ADAM17: variants seen among roughly 807,000 people sequenced by gnomAD.
ADAM17 encodes disintegrin and metalloproteinase domain-containing protein 17.
In ADAM17, 39 loss-of-function variants were observed where a neutral mutation model predicts 96.7. The observed-to-expected ratio is 0.40, with a 90% CI of 0.31 to 0.53. ADAM17 has a LOEUF of 0.53. Among genes scored for constraint, ADAM17 ranks in the 20% least tolerant of loss-of-function variants. ADAM17 has a pLI of 0.44. For synonymous variants in ADAM17, 344 were observed against 359.2 expected (o/e 0.96, Z 0.48); for missense variants, 777 against 1,013.2 (o/e 0.77, Z 3.17).
rs1572905225 is a variant in ADAM17, at chr2:9,505,342, T to C, written c.1368A>G (p.Gln456=). The C allele has an allele frequency of 1.2e-6, 2 of 1,614,162 alleles. No individual in the cohort carries two copies. The highest frequency in any genetic ancestry group is 4.5e-5 in the East Asian group (2 of 44,874). Residue 456 remains glutamine (Q), a synonymous_variant, in exon 12 of 19, where the codon CAA becomes CAG. Coordinates refer to ENST00000310823, the MANE Select transcript of ADAM17 (RefSeq NM_003183.6). ...TACTTTCAATGGTCTTATAGATTGA[T>C]TGTTTACTGCAGTTTGAAAACATCT... is the stretch of plus-strand genomic sequence containing the variant. ...NNKMFSNCSK[Q]SIYKTIESKA...
chr2:9,523,209 C>T (rs1318295765), intron 7 of ADAM17, 40 bp downstream of exon 7: 12 of 1,457,136 alleles, frequency 8.2e-6, no homozygotes, highest in South Asian at 4.9e-5. Flanking sequence ...ATTTACATTA[C>T]AAAACTTAAG....
chr2:9,515,716 A>G (rs1304058895), intron 10 of ADAM17, among the ~76,000 whole-genome samples: 4 of 148,886 alleles, frequency 2.7e-5, no homozygotes, highest in Non-Finnish European at 4.5e-5. Context: ...CCTGGGTGAC[A>G]AGAGTGAAAC....
chr2:9,490,447 A>G lies in ADAM17; in HGVS notation c.2205T>C (p.Thr735=), dbSNP rs374390369. 1 of 1,614,124 alleles carries G rather than the reference A, an allele frequency of 6.2e-7. No homozygotes were observed. Among genetic ancestry groups the G allele is most frequent in the South Asian group, 1.1e-5 (1 of 91,074 alleles). The change falls in exon 19 of 19, where the codon ACT becomes ACC. Residue 735 remains threonine, a synonymous_variant. Coordinates refer to ENST00000310823, the MANE Select transcript of ADAM17 (RefSeq NM_003183.6). ...RIIKPFPAPQ[T]PGRLQPAPVI... ...CAGGGGCAGGCTGCAGGCGGCCTGG[A>G]GTCTGGGGCGCAGGAAAGGGTTTGA...
rs188907366 is a variant in ADAM17 at position 9,521,519 on chromosome 2, A to C, written c.844-203T>G. The C allele has an allele frequency of 7.4e-5, 19 of 256,420 alleles. No individual in the cohort carries two copies. In the East Asian group the frequency reaches 1.3e-3, roughly 18 times the overall value. 15.9% of individuals were successfully genotyped at this position (256,420 alleles called of 1,614,324 possible). ...ATGGTATGGAAAACATATGTCAATG[A>C]ATTATTTATAATATTATAAATGTAC... On this transcript the variant is annotated intron_variant, in intron 7 of 18. Transcript: ENST00000310823.
intron 5 of ADAM17, among the ~76,000 whole-genome samples, chr2:9,527,220 T>A (rs1220316718): frequency 6.6e-6 from 1 of 150,952 alleles, no homozygotes; most frequent in Non-Finnish European, 1.5e-5. Context: ...TACTCAGGAG[T>A]CTGAGGCAGG....
chr2:9,553,601 G>A (rs1453381174), intron 1 of ADAM17, among the ~76,000 whole-genome samples: 5 of 150,712 alleles, frequency 3.3e-5, no homozygotes, highest in African/African-American at 1.2e-4. Flanking sequence ...CTTGAACCCG[G>A]GAGGCGGAGG....
At chr2:9,544,144 C>G (rs1390415044) in intron 1 of ADAM17, among the ~76,000 whole-genome samples, 2 of 152,218 alleles carry the variant, frequency 1.3e-5, no homozygotes, top group African/African-American at 4.8e-5. Context: ...CCCTCCTACC[C>G]TAACTGGCTT....
intron 6 of ADAM17, among the ~76,000 whole-genome samples, chr2:9,523,897 A>G (rs1664412363): frequency 6.6e-6 from 1 of 150,938 alleles, no homozygotes; most frequent in African/African-American, 2.4e-5. Context: ...TTTTCAAGAG[A>G]CAAGGTCTTG....
intron 11 of ADAM17, among the ~76,000 whole-genome samples, chr2:9,506,575 C>G (rs1663413581): frequency 6.6e-6 from 1 of 151,834 alleles, no homozygotes; most frequent in Admixed American, 6.6e-5. Flanking sequence ...CCATGTTGAC[C>G]AGGATGGTCT....
intron 17 of ADAM17, 95 bp downstream of exon 17, chr2:9,492,803 G>T: frequency 9.4e-7 from 1 of 1,062,446 alleles, no homozygotes; most frequent in Non-Finnish European, 1.3e-6. Context: ...GCCAAACTTT[G>T]CTAAGAACAA....
intron 1 of ADAM17, among the ~76,000 whole-genome samples, chr2:9,549,449 T>C (rs1665516237): frequency 6.6e-6 from 1 of 152,242 alleles, no homozygotes; most frequent in South Asian, 2.1e-4. Context: ...TATAGTGGTA[T>C]GTATATAACC....
intron 10 of ADAM17, among the ~76,000 whole-genome samples, chr2:9,517,087 G>A (rs1262117114): frequency 6.6e-6 from 1 of 152,130 alleles, no homozygotes; most frequent in African/African-American, 2.4e-5. Context: ...ACATCCATGA[G>A]GACAAAGACT....
intron 10 of ADAM17, 131 bp downstream of exon 10, chr2:9,517,770 A>C (rs955126272): frequency 5.1e-6 from 3 of 587,808 alleles, no homozygotes; most frequent in Non-Finnish European, 8.0e-6. Flanking sequence ...AAAATACATA[A>C]ATTTTATTTA....
intron 8 of ADAM17, among the ~76,000 whole-genome samples, chr2:9,520,365 A>G (rs1664255750): frequency 6.6e-6 from 1 of 152,218 alleles, no homozygotes; most frequent in Non-Finnish European, 1.5e-5. Context: ...AAGACTCCAA[A>G]TGACATAAAA....
intron 2 of ADAM17, among the ~76,000 whole-genome samples, chr2:9,541,864 C>T (rs1298280524): frequency 6.6e-6 from 1 of 151,532 alleles, no homozygotes; most frequent in Non-Finnish European, 1.5e-5. Context: ...CATGGTGAAA[C>T]TCTGTCTCTA....
intron 7 of ADAM17, 88 bp from the exon 8 acceptor site, chr2:9,521,404 A>G: frequency 2.1e-6 from 2 of 964,216 alleles, no homozygotes; most frequent in Non-Finnish European, 3.1e-6. Context: ...GTTCAAAAAA[A>G]GAATCGTTCT....
At chr2:9,537,527 A>G (rs1665005621) in intron 2 of ADAM17, among the ~76,000 whole-genome samples, 1 of 152,094 alleles carries the variant, frequency 6.6e-6, no homozygotes, top group Non-Finnish European at 1.5e-5. Flanking sequence ...AGGTCAGGAG[A>G]TCGAGACCAT....
chr2:9,554,250 A>G (rs575488852), intron 1 of ADAM17, among the ~76,000 whole-genome samples: 23 of 152,320 alleles, frequency 1.5e-4, no homozygotes, highest in African/African-American at 4.8e-4. Context: ...TAATATCTCA[A>G]AATACATATT....
At chr2:9,503,316 C>A (rs780884178) in intron 12 of ADAM17, among the ~76,000 whole-genome samples, 1 of 152,114 alleles carries the variant, frequency 6.6e-6, no homozygotes, top group African/African-American at 2.4e-5. Context: ...AACCCTTTTA[C>A]TTCTAAGCCA....
Sources: gnomAD v4.1 joint callset for allele counts (sites outside exome capture counted in the v4.1 genomes callset) on GRCh38, gnomAD v4.1.1 for gene constraint, MANE v1.5 for transcripts, NCBI Gene and HGNC (gene_info 2026-07-23, HGNC 2026-07-21) for gene names.